The following SLC17A1 variants were observed in gnomAD, a reference collection of about 807,000 sequenced individuals.
The protein encoded by SLC17A1 is solute carrier family 17 member 1.
Under a neutral mutation model 53.5 loss-of-function variants are expected in SLC17A1, and 51 were observed. The ratio of observed to expected loss-of-function variants is 0.95; its 90% CI spans 0.76 to 1.20. The LOEUF is 1.20. Among genes scored for constraint, SLC17A1 ranks in the 50% most tolerant of loss-of-function variants. SLC17A1 has a pLI of 0.00. For missense variants in SLC17A1, 538 were observed against 568.2 expected, an observed-to-expected ratio of 0.95 and a Z score of 0.54; for synonymous variants, 179 against 198.8, an observed-to-expected ratio of 0.90 and a Z score of 0.84.
At chr6:25,806,888 A>C (rs1004721104) in intron 10 of SLC17A1, among the ~76,000 whole-genome samples, 23 of 152,024 alleles carry the variant, frequency 1.5e-4, no homozygotes, top group African/African-American at 5.6e-4. Context: ...TTTATCAAAA[A>C]AGAAAATATA....
In SLC17A1 at chr6:25,783,044, A is replaced by C. The variant is rs1031215355; in HGVS notation, c.*177T>G. ...ATATATTACATGTTACAAACAACAC[A>C]TGTTAAAAAACGATGCACACAGGAT... On this transcript the variant is annotated 3_prime_UTR_variant, in exon 13 of 13. Coordinates refer to ENST00000244527, the MANE Select transcript of SLC17A1 (RefSeq NM_005074.5). 1 of 152,190 alleles carries C rather than the reference A, an allele frequency of 6.6e-6. No individual in the cohort carries two copies. Among genetic ancestry groups the C allele is most frequent in the Non-Finnish European group, 1.5e-5 (1 of 68,016 alleles). The allele number at this position is 152,190 out of a possible 1,614,324, so 9.4% of individuals were successfully genotyped here.
chr6:25,770,135 C>G, the SLC17A1 span: 1 of 1,614,080 alleles, frequency 6.2e-7, no homozygotes, highest in Non-Finnish European at 8.5e-7. Flanking sequence ...ATGGCTCATT[C>G]TTGGCTCCAA....
chr6:25,773,286 T>C, the SLC17A1 span: 1 of 1,613,782 alleles, frequency 6.2e-7, no homozygotes. Context: ...AGGAATTGGC[T>C]GTGCTTGTTG....
chr6:25,806,041 C>A (rs2151486250), intron 10 of SLC17A1, among the ~76,000 whole-genome samples: 1 of 152,110 alleles, frequency 6.6e-6, no homozygotes, highest in South Asian at 2.1e-4. Flanking sequence ...GCCAGTATCA[C>A]CCTGATACCA....
At position 25,813,472 on chromosome 6, in the gene SLC17A1, C is replaced by T. The variant is rs1002795019; in HGVS notation, c.617-259G>A. 2.0e-5 allele frequency among the ~76,000 whole-genome samples: 3 copies of T among 152,216 alleles called. No homozygotes were observed. The South Asian group carries it at 6.2e-4, about 31-fold the overall frequency. On this transcript the variant is annotated intron_variant, in intron 6 of 12. Transcript: ENST00000244527. ...CTCCTGACAGCTGGACCTCCCTGCCCTCAGGCCCTCATCTTTTCAAATTCC... is the reference window on the plus strand; with the variant it reads ...CTCCTGACAGCTGGACCTCCCTGCCTTCAGGCCCTCATCTTTTCAAATTCC...
At chr6:25,727,513 T>C in the SLC17A1 span, among the ~76,000 whole-genome samples, 1 of 151,030 alleles carries the variant, frequency 6.6e-6, no homozygotes, top group Admixed American at 6.6e-5. Context: ...TGCCTCAGCC[T>C]CCTGAGCAGC....
At chr6:25,828,506 A>G (rs1464008132) in intron 2 of SLC17A1, among the ~76,000 whole-genome samples, 1 of 151,906 alleles carries the variant, frequency 6.6e-6, no homozygotes, top group Admixed American at 6.6e-5. Context: ...ACATGTATAC[A>G]TTTTCTAACA....
intron 2 of SLC17A1, 32 bp downstream of exon 2, chr6:25,830,492 C>T (rs755595936): frequency 3.4e-6 from 5 of 1,476,276 alleles, no homozygotes; most frequent in Admixed American, 3.3e-5. Context: ...AGAAAAAGAA[C>T]ACCTGTTTAA....
In SLC17A1 at chr6:25,830,529, T is replaced by C; in HGVS notation, c.29A>G (p.Lys10Arg). 1 of 1,613,084 alleles carries C rather than the reference T, an allele frequency of 6.2e-7. No homozygotes were observed. The highest frequency in any genetic ancestry group is 8.5e-7 in the Non-Finnish European group (1 of 1,179,030). Residue 10 changes from lysine (K) to arginine (R), a missense_variant, in exon 2 of 13, where the codon AAA becomes AGA. Lys to Arg is a conservative substitution (Grantham distance 26). Transcript: ENST00000244527. ...GGAACAGAATAAAGTGCTACCTTTTTTGGGAGGCAACCGGTTATCCATTTG... is the reference window on the plus strand; with the variant it reads ...GGAACAGAATAAAGTGCTACCTTTTCTGGGAGGCAACCGGTTATCCATTTG... MQMDNRLPP[K>R]KVPGFCSFRY...
chr6:25,738,760 A>G, the SLC17A1 span, among the ~76,000 whole-genome samples: 5 of 152,218 alleles, frequency 3.3e-5, no homozygotes, highest in African/African-American at 1.2e-4. Context: ...AGGACACACA[A>G]AGGGCAAAAA....
the SLC17A1 span, among the ~76,000 whole-genome samples, chr6:25,758,369 A>G: frequency 2.0e-5 from 3 of 152,202 alleles, no homozygotes; most frequent in Admixed American, 1.3e-4. Flanking sequence ...TGTCCCTGAA[A>G]TTTATTTTTA....
chr6:25,807,408 C>A (rs1384857184), intron 10 of SLC17A1, among the ~76,000 whole-genome samples: 1 of 152,040 alleles, frequency 6.6e-6, no homozygotes, highest in Non-Finnish European at 1.5e-5. Flanking sequence ...AGCGGGAGAC[C>A]ATTATTCTAA....
At position 25,809,999 on chromosome 6, in the gene SLC17A1, G is replaced by A. The variant is rs550128996; in HGVS notation, c.1178+1399C>T. 3.3e-5 allele frequency among the ~76,000 whole-genome samples: 5 copies of A among 152,144 alleles called. No homozygotes were observed. The East Asian group carries it at 9.6e-4, about 29-fold the overall frequency. On this transcript the variant is annotated intron_variant, in intron 10 of 12. Transcript: ENST00000244527. ...AATTGATTTTTGACAGAGGTGCCAA[G>A]AACACAACATGAGGGAAGGATGGTG...
chr6:25,794,990 A>T (rs1385647234), intron 12 of SLC17A1, among the ~76,000 whole-genome samples: 1 of 152,186 alleles, frequency 6.6e-6, no homozygotes, highest in African/African-American at 2.4e-5. Flanking sequence ...TGATTCCACA[A>T]ATAAAATGCC....
At chr6:25,776,868 A>C in the SLC17A1 span, 2 of 1,613,960 alleles carry the variant, frequency 1.2e-6, no homozygotes, top group African/African-American at 1.3e-5. Flanking sequence ...ATCCAGCCAC[A>C]GCATGACCAT....
intron 1 of SLC17A1, among the ~76,000 whole-genome samples, chr6:25,831,077 G>C (rs1485332791): frequency 6.6e-6 from 1 of 152,182 alleles, no homozygotes; most frequent in Non-Finnish European, 1.5e-5. Context: ...AGAGCTGGAA[G>C]ATACTATCTG....
At chr6:25,817,731 C>T (rs770009112) in intron 6 of SLC17A1, among the ~76,000 whole-genome samples, 12 of 152,280 alleles carry the variant, frequency 7.9e-5, no homozygotes, top group East Asian at 1.9e-4. Flanking sequence ...TCCCCTGCTC[C>T]GCCGTAATTT....
the SLC17A1 span, among the ~76,000 whole-genome samples, chr6:25,743,364 T>C: frequency 8.5e-5 from 13 of 152,344 alleles, no homozygotes; most frequent in Middle Eastern, 3.4e-3. Flanking sequence ...CCAATGACTT[T>C]TGAATATAGT....
chr6:25,782,009 C>A (rs1763278512), downstream of SLC17A1, among the ~76,000 whole-genome samples: 1 of 152,148 alleles, frequency 6.6e-6, no homozygotes, highest in Admixed American at 6.5e-5. Context: ...GCAAAAAACA[C>A]AAAGCACTAA....
Sources: allele counts gnomAD v4.1 joint callset (sites outside exome capture counted in the v4.1 genomes callset), GRCh38; gene constraint gnomAD v4.1.1; transcripts MANE v1.5; gene names NCBI Gene and HGNC (gene_info 2026-07-23, HGNC 2026-07-21).